Variants in EPHA5 observed in about 807,000 individuals in gnomAD.
EPHA5 encodes EPH receptor A5.
In EPHA5, 60 loss-of-function variants were observed where a neutral mutation model predicts 105.0. The ratio of observed to expected loss-of-function variants is 0.57; its 90% CI spans 0.46 to 0.71. The LOEUF (loss-of-function observed/expected upper bound fraction) is 0.71. Among genes scored for constraint, EPHA5 ranks in the 30% least tolerant of loss-of-function variants. EPHA5 has a pLI of 0.00. For synonymous variants in EPHA5, 513 were observed against 449.1 expected, an observed-to-expected ratio of 1.14 and a Z score of -1.80; for missense variants, 1,218 against 1,274.7, an observed-to-expected ratio of 0.96 and a Z score of 0.68.
At chr4:65,440,185 T>C (rs1725874798) in intron 5 of EPHA5, among the ~76,000 whole-genome samples, 1 of 152,024 alleles carries the variant, frequency 6.6e-6, no homozygotes, top group African/African-American at 2.4e-5. Context: ...ATATTGTCAT[T>C]AACATTGTCA....
chr4:65,324,302 T>C, intron 16 of EPHA5, 83 bp from the exon 17 acceptor site: 2 of 875,158 alleles, frequency 2.3e-6, no homozygotes, highest in Non-Finnish European at 3.8e-6. Context: ...GGGGCAAACA[T>C]AGTGCAGACA....
At chr4:65,631,558 A>G (rs189227811) in intron 2 of EPHA5, among the ~76,000 whole-genome samples, 1 of 152,208 alleles carries the variant, frequency 6.6e-6, no homozygotes, top group East Asian at 1.9e-4. Context: ...CTCCTGCTGT[A>G]ACATTTGCCT....
At chr4:65,329,352 T>C (rs1175989310) in intron 16 of EPHA5, among the ~76,000 whole-genome samples, 1 of 151,430 alleles carries the variant, frequency 6.6e-6, no homozygotes, top group African/African-American at 2.4e-5. Flanking sequence ...CCTTTCAATA[T>C]TTAGCTATAC....
chr4:65,531,296 C>T (rs1387412733), intron 3 of EPHA5, among the ~76,000 whole-genome samples: 3 of 151,952 alleles, frequency 2.0e-5, no homozygotes, highest in African/African-American at 7.3e-5. Context: ...CTCGGCCTCC[C>T]AAAGTGCTGG....
chr4:65,365,219 A>T lies in EPHA5; in HGVS notation c.1988-17T>A, dbSNP rs749179352. 1 of 1,604,436 alleles carries T rather than the reference A, an allele frequency of 6.2e-7. No homozygotes were observed. The highest frequency in any genetic ancestry group is 1.1e-5 in the South Asian group (1 of 90,608). ...CAAATTCACCTTGTGATAAAGATGAAAAAAATGCAAAAACTCATTTGAAAT... is the reference window on the plus strand; with the variant it reads ...CAAATTCACCTTGTGATAAAGATGATAAAAATGCAAAAACTCATTTGAAAT... On this transcript the variant is annotated splice_polypyrimidine_tract_variant and intron_variant, in intron 10 of 16. Transcript: ENST00000613740.
intron 2 of EPHA5, among the ~76,000 whole-genome samples, chr4:65,633,299 C>T (rs1317155622): frequency 6.6e-6 from 1 of 151,476 alleles, no homozygotes; most frequent in Non-Finnish European, 1.5e-5. Context: ...CATTTGCTTT[C>T]AAAATTAATT....
intron 3 of EPHA5, among the ~76,000 whole-genome samples, chr4:65,511,690 G>A (rs1733642206): frequency 6.6e-6 from 1 of 152,142 alleles, no homozygotes; most frequent in Admixed American, 6.5e-5. Context: ...GTAAATCTTA[G>A]CTCACCCTGT....
At chr4:65,464,393 G>A (rs1253823053) in intron 5 of EPHA5, among the ~76,000 whole-genome samples, 1 of 151,942 alleles carries the variant, frequency 6.6e-6, no homozygotes, top group Admixed American at 6.6e-5. Context: ...AGATTGATAA[G>A]GCAACACAAA....
intron 5 of EPHA5, among the ~76,000 whole-genome samples, chr4:65,466,796 C>T (rs1468629833): frequency 1.3e-5 from 2 of 152,176 alleles, no homozygotes; most frequent in Admixed American, 1.3e-4. Context: ...TGATTGTAAG[C>T]ATAGACTCCT....
At chr4:65,335,858 TAA>T (rs1721120103) in intron 15 of EPHA5, 72 bp downstream of exon 15, 1 of 1,427,342 alleles carries the variant, frequency 7.0e-7, no homozygotes, top group Non-Finnish European at 9.5e-7. Flanking sequence ...GAGAATGATT[TAA>T]TTGATAAAAT....
At chr4:65,612,906 T>G (rs780911642) in intron 2 of EPHA5, among the ~76,000 whole-genome samples, 17 of 152,164 alleles carry the variant, frequency 1.1e-4, no homozygotes, top group Non-Finnish European at 1.8e-4. Context: ...ATCATTTTTG[T>G]TTTTGTTGCA....
intron 8 of EPHA5, among the ~76,000 whole-genome samples, chr4:65,373,912 CA>C: frequency 8.7e-6 from 1 of 115,048 alleles, no homozygotes. Context: ...TTAAGAAATG[CA>C]AGAAATGGCT....
intron 3 of EPHA5, among the ~76,000 whole-genome samples, chr4:65,573,137 C>A (rs1209683951): frequency 2.0e-5 from 3 of 151,822 alleles, no homozygotes; most frequent in Non-Finnish European, 4.4e-5. Flanking sequence ...CAGGGCCGGG[C>A]GCGGTGGCTC....
chr4:65,478,012 A>T (rs1406297714), intron 5 of EPHA5, among the ~76,000 whole-genome samples: 1 of 152,172 alleles, frequency 6.6e-6, no homozygotes, highest in Non-Finnish European at 1.5e-5. Context: ...TCCCAACCAT[A>T]ATCGTTATTG....
chr4:65,623,771 C>A (rs1307679101), intron 2 of EPHA5, among the ~76,000 whole-genome samples: 1 of 152,098 alleles, frequency 6.6e-6, no homozygotes. Context: ...ATATGAGTAT[C>A]ATCAAACTTC....
intron 4 of EPHA5, among the ~76,000 whole-genome samples, chr4:65,491,039 G>C (rs1731352297): frequency 6.6e-6 from 1 of 152,068 alleles, no homozygotes; most frequent in African/African-American, 2.4e-5. Context: ...AAACTGGTGA[G>C]TTTCCTTGGG....
intron 3 of EPHA5, among the ~76,000 whole-genome samples, chr4:65,571,705 A>G (rs1199891356): frequency 6.6e-5 from 10 of 152,062 alleles, no homozygotes; most frequent in Non-Finnish European, 1.5e-4. Flanking sequence ...TTTTCAATAA[A>G]AATATGTATT....
intron 5 of EPHA5, among the ~76,000 whole-genome samples, chr4:65,458,755 T>A (rs139315512): frequency 6.6e-6 from 1 of 152,204 alleles, no homozygotes; most frequent in African/African-American, 2.4e-5. Flanking sequence ...TATTATATAG[T>A]ACATGTATAA....
chr4:65,493,231 C>T (rs1214059057), intron 4 of EPHA5, among the ~76,000 whole-genome samples: 1 of 152,072 alleles, frequency 6.6e-6, no homozygotes, highest in East Asian at 1.9e-4. Context: ...TAATAAAATT[C>T]CTCTGCCCCA....
Sources: gnomAD v4.1 joint callset for allele counts (sites outside exome capture counted in the v4.1 genomes callset) on GRCh38, gnomAD v4.1.1 for gene constraint, MANE v1.5 for transcripts, NCBI Gene and HGNC (gene_info 2026-07-23, HGNC 2026-07-21) for gene names.